Variants in DAB1 observed in about 807,000 individuals in gnomAD.
The protein encoded by DAB1 is disabled homolog 1.
A neutral mutation model predicts 64.6 loss-of-function variants in DAB1; 15 were observed. The observed-to-expected ratio is 0.23, with a 90% confidence interval of 0.16 to 0.36. DAB1 has a LOEUF of 0.36. Among genes scored for constraint, DAB1 ranks in the 10% least tolerant of loss-of-function variants. The pLI is 1.00. For missense variants in DAB1, 596 were observed against 706.7 expected (o/e 0.84, Z 1.78); for synonymous variants, 235 against 251.9 (o/e 0.93, Z 0.64).
At chr1:58,353,962 C>A (rs1314021401) in intron 3 of DAB1, among the ~76,000 whole-genome samples, 1 of 152,086 alleles carries the variant, frequency 6.6e-6, no homozygotes, top group Admixed American at 6.6e-5. Context: ...TACCTCCCTG[C>A]GAAGAAAACA....
chr1:58,526,401 A>G (rs1646350348), intron 2 of DAB1, among the ~76,000 whole-genome samples: 2 of 152,124 alleles, frequency 1.3e-5, no homozygotes, highest in African/African-American at 4.8e-5. Context: ...AGGATCAATT[A>G]AAACTTGAAT....
rs12042764 is a variant in DAB1, at chr1:58,012,871, G to C, written n.388-128709C>G. On this transcript the variant is annotated intron_variant and non_coding_transcript_variant, in intron 5 of 20. Coordinates refer to the DAB1 transcript ENST00000485760. ...TCGACTAAGACATCTGCCAATGAGA[G>C]GGAAGAGAGAGAGACTGTGTGGCAG... 9.9e-3 allele frequency among the ~76,000 whole-genome samples: 1,508 copies of C among 152,304 alleles called. 51 individuals are homozygous for C. The highest frequency in any genetic ancestry group is 0.092 in the East Asian group (475 of 5,178).
intron 4 of DAB1, among the ~76,000 whole-genome samples, chr1:58,338,224 C>T (rs1002183556): frequency 4.6e-5 from 7 of 152,096 alleles, no homozygotes; most frequent in Non-Finnish European, 8.8e-5. Context: ...TTCTCAGCTG[C>T]GTGAGAGGCA....
intron 5 of DAB1, among the ~76,000 whole-genome samples, chr1:58,109,593 T>G (rs1202087292): frequency 1.3e-5 from 2 of 151,952 alleles, no homozygotes; most frequent in Non-Finnish European, 2.9e-5. Flanking sequence ...TTTGTATTTT[T>G]AGTAGCCTAA....
intron 2 of DAB1, among the ~76,000 whole-genome samples, chr1:57,210,906 A>G (rs1481218498): frequency 6.6e-6 from 1 of 152,246 alleles, no homozygotes; most frequent in African/African-American, 2.4e-5. Context: ...TTTTACTACC[A>G]ACCCATTAAA....
At chr1:58,383,820 T>C (rs1423750300) in intron 3 of DAB1, among the ~76,000 whole-genome samples, 1 of 152,250 alleles carries the variant, frequency 6.6e-6, no homozygotes, top group African/African-American at 2.4e-5. Context: ...TTGGCTATTG[T>C]GGATAATGCT....
At chr1:57,361,145 T>C (rs577870321) in intron 1 of DAB1, among the ~76,000 whole-genome samples, 4 of 152,072 alleles carry the variant, frequency 2.6e-5, no homozygotes, top group South Asian at 2.1e-4. Context: ...GACAAAAAAA[T>C]AAAGAGCATT....
At chr1:57,050,524 C>T (rs960779020) in intron 9 of DAB1, among the ~76,000 whole-genome samples, 2 of 152,184 alleles carry the variant, frequency 1.3e-5, no homozygotes, top group East Asian at 3.9e-4. Flanking sequence ...TTCTACATTG[C>T]CATGCTTTTA....
At chr1:58,352,955 C>T (rs1045819522) in intron 3 of DAB1, among the ~76,000 whole-genome samples, 6 of 152,052 alleles carry the variant, frequency 3.9e-5, no homozygotes, top group African/African-American at 1.4e-4. Context: ...TCTCAATCTC[C>T]AGAACTGTGA....
chr1:58,043,885 G>A (rs1265298087), intron 5 of DAB1, among the ~76,000 whole-genome samples: 4 of 152,036 alleles, frequency 2.6e-5, no homozygotes, highest in African/African-American at 7.2e-5. Flanking sequence ...ACACCACTAC[G>A]TTTGGCCAAT....
In DAB1 at chr1:58,432,325, A is replaced by G. The variant is rs1644887805; in HGVS notation, n.257+73735T>C. On this transcript the variant is annotated intron_variant and non_coding_transcript_variant, in intron 3 of 20. Transcript: ENST00000485760. ...TTTAATTTTACATTGTTTTTGGTGT[A>G]CTTGTTACATCTGCCTTCTCTCCTA... 2.0e-5 allele frequency among the ~76,000 whole-genome samples: 3 copies of G among 152,290 alleles called. No homozygotes were observed. In the South Asian group the frequency reaches 6.2e-4, roughly 32 times the overall value.
intron 1 of DAB1, among the ~76,000 whole-genome samples, chr1:57,318,155 CAAAAA>C (rs3042914): frequency 0.028 from 2,897 of 103,416 alleles, 36 homozygotes; most frequent in South Asian, 0.058. Flanking sequence ...AGCTGCAACT[CAAAAA>C]AAAAAAAAAA....
At chr1:58,082,146 G>A (rs1245079943) in intron 5 of DAB1, among the ~76,000 whole-genome samples, 1 of 152,158 alleles carries the variant, frequency 6.6e-6, no homozygotes, top group Non-Finnish European at 1.5e-5. Context: ...CAGGCCTCCT[G>A]ACTCCCAGCA....
chr1:58,313,856 T>TGTGTGA (rs369709762), intron 4 of DAB1, among the ~76,000 whole-genome samples: 3,599 of 111,832 alleles, frequency 0.032, 179 homozygotes, highest in African/African-American at 0.098. Flanking sequence ...TGTGTGTGTG[T>TGTGTGA]GAGAGAGAGA....
At chr1:58,411,688 T>G (rs1464023583) in intron 3 of DAB1, among the ~76,000 whole-genome samples, 4 of 152,178 alleles carry the variant, frequency 2.6e-5, no homozygotes, top group Non-Finnish European at 1.5e-5. Context: ...GAGTTCAGCA[T>G]AGCTGGAGTA....
intron 4 of DAB1, among the ~76,000 whole-genome samples, chr1:58,218,268 C>T (rs1658961407): frequency 6.6e-6 from 1 of 152,074 alleles, no homozygotes; most frequent in African/African-American, 2.4e-5. Flanking sequence ...TTTAGGAGTC[C>T]AACTCCTGGA....
chr1:58,336,662 T>C (rs1002638393), intron 4 of DAB1, among the ~76,000 whole-genome samples: 2 of 152,230 alleles, frequency 1.3e-5, no homozygotes, highest in East Asian at 3.8e-4. Flanking sequence ...TTCAATCCTT[T>C]ATCAGAAAAT....
intron 4 of DAB1, among the ~76,000 whole-genome samples, chr1:58,274,204 CTG>C: frequency 7.0e-6 from 1 of 143,074 alleles, no homozygotes; most frequent in East Asian, 2.2e-4. Context: ...GATGTCCTTT[CTG>C]TTAATTTTCC....
At position 58,415,906 on chromosome 1, in the gene DAB1, A is replaced by G. The variant is rs182525599; in HGVS notation, n.258-72503T>C. 9.3e-4 allele frequency among the ~76,000 whole-genome samples: 142 copies of G among 152,324 alleles called. 1 individual carries two copies. The highest frequency in any genetic ancestry group is 6.2e-4 in the South Asian group (3 of 4,828). ...GCTTCAATTTCTTAATCCATTAAAT[A>G]GAGTTATAATTAGACCTCTCCTCAT... On this transcript the variant is annotated intron_variant and non_coding_transcript_variant, in intron 3 of 20. Transcript: ENST00000485760.
Sources: allele counts gnomAD v4.1 joint callset (sites outside exome capture counted in the v4.1 genomes callset), GRCh38; gene constraint gnomAD v4.1.1; transcripts MANE v1.5; gene names NCBI Gene and HGNC (gene_info 2026-07-23, HGNC 2026-07-21).